The following NEK11 variants were observed in gnomAD, a reference collection of about 807,000 sequenced individuals.
The protein encoded by NEK11 is serine/threonine-protein kinase Nek11.
Under a neutral mutation model 80.7 loss-of-function variants are expected in NEK11, and 72 were observed. The observed-to-expected ratio is 0.89, with a 90% CI of 0.74 to 1.08. The LOEUF (loss-of-function observed/expected upper bound fraction) is 1.08, where lower values mean the gene tolerates loss of function less well. NEK11 is among the 50% of genes least tolerant of loss of function. The probability of loss-of-function intolerance (pLI) is 0.00; values close to 1 mark genes in which losing one functional copy is unlikely to be tolerated. For synonymous variants in NEK11, 251 were observed against 260.7 expected (o/e 0.96, Z 0.36); for missense variants, 764 against 763.6 (o/e 1.00, Z -0.01).
At chr3:131,252,725 T>C (rs72991528) in intron 16 of NEK11, among the ~76,000 whole-genome samples, 21,473 of 152,080 alleles carry the variant, frequency 0.14, 1,713 homozygotes, top group South Asian at 0.23. Flanking sequence ...ACAGGTTTGG[T>C]ATGTGTCCAA....
Position 131,026,892 on chromosome 3 carries a change from C to A in NEK11, c.-284C>A, listed in dbSNP as rs1430554047. 1 of 152,254 alleles carries A rather than the reference C, an allele frequency of 6.6e-6. No homozygotes were observed. The highest frequency in any genetic ancestry group is 2.4e-5 in the African/African-American group (1 of 41,448). The allele number at this position is 152,254 out of a possible 1,614,324, so 9.4% of individuals were successfully genotyped here. ...CTCCCTGGCCACGGTTCCAAACAGC[C>A]GTGGCCCGCGGTGTCTGGCGCTCGG... is the stretch of plus-strand genomic sequence containing the variant. On this transcript the variant is annotated 5_prime_UTR_variant, in exon 1 of 18. Transcript: ENST00000383366.
intron 14 of NEK11, among the ~76,000 whole-genome samples, chr3:131,223,338 T>A (rs2095088253): frequency 6.6e-6 from 1 of 152,158 alleles, no homozygotes; most frequent in African/African-American, 2.4e-5. Context: ...ACAGATTCAT[T>A]CCAGTTTGTT....
At position 131,168,914 on chromosome 3, in the gene NEK11, GA is replaced by G; in HGVS notation, c.1262del (p.Glu421GlyfsTer15). On this transcript the variant is annotated frameshift_variant, in exon 13 of 18. Transcript: ENST00000383366. LOFTEE classifies it high-confidence loss of function. ...TTGTTCACCCCAGGACGAGGATGAA[GA>G]GAGGTGGCAAGGCAGGGAAGAGGCA... ...LSCSPQDEDE[E>X]RWQGREEESD... The G allele has an allele frequency of 6.2e-7, 1 of 1,614,026 alleles. No homozygotes were observed. Among genetic ancestry groups the G allele is most frequent in the Non-Finnish European group, 8.5e-7 (1 of 1,179,960 alleles).
At chr3:131,179,048 C>T (rs2093203618) in intron 14 of NEK11, among the ~76,000 whole-genome samples, 1 of 152,186 alleles carries the variant, frequency 6.6e-6, no homozygotes. Context: ...CTCATGAGGA[C>T]TCCCTCCTTA....
intron 3 of NEK11, among the ~76,000 whole-genome samples, chr3:131,079,077 G>C (rs1023685026): frequency 6.6e-6 from 1 of 151,696 alleles, no homozygotes; most frequent in Non-Finnish European, 1.5e-5. Context: ...AAGTTTTTTG[G>C]TAATCATTTG....
chr3:131,050,403 C>T (rs1057175726), intron 3 of NEK11, among the ~76,000 whole-genome samples: 7 of 152,090 alleles, frequency 4.6e-5, no homozygotes, highest in South Asian at 2.1e-4. Flanking sequence ...TCGTGCTGCA[C>T]GGTTCATCTA....
intron 14 of NEK11, among the ~76,000 whole-genome samples, chr3:131,203,645 G>GTT (rs1384111671): frequency 1.0e-5 from 1 of 98,730 alleles, no homozygotes; most frequent in Non-Finnish European, 2.3e-5. Context: ...GTGATATTGT[G>GTT]ATACACACAC....
rs1053539765 is a variant in NEK11 at position 131,171,609 on chromosome 3, T to G, written c.1399+722T>G. Among the ~76,000 whole-genome samples, 15 of 152,338 alleles carry G rather than the reference T, an allele frequency of 9.8e-5. No homozygotes were observed. In the East Asian group the frequency reaches 2.9e-3, roughly 29 times the overall value. ...CTCTCTAGGTCTCAGTTTTCTTATCTATGAAATAAGAATAATAATGCCTTC... is the reference window on the plus strand; with the variant it reads ...CTCTCTAGGTCTCAGTTTTCTTATCGATGAAATAAGAATAATAATGCCTTC... On this transcript the variant is annotated intron_variant, in intron 14 of 17. Transcript: ENST00000383366.
intron 14 of NEK11, among the ~76,000 whole-genome samples, chr3:131,179,888 A>G (rs901010786): frequency 6.6e-6 from 1 of 152,184 alleles, no homozygotes; most frequent in Non-Finnish European, 1.5e-5. Context: ...AAAGTACAAT[A>G]TTATATTTCT....
intron 17 of NEK11, chr3:131,324,949 T>G (rs1455737118): frequency 6.6e-6 from 1 of 152,226 alleles, no homozygotes; most frequent in Non-Finnish European, 1.5e-5. Context: ...TGCTCCAATA[T>G]TATAAAATAT....
At chr3:131,341,686 A>G (rs2097289092) in intron 17 of NEK11, among the ~76,000 whole-genome samples, 1 of 152,182 alleles carries the variant, frequency 6.6e-6, no homozygotes, top group African/African-American at 2.4e-5. Context: ...TATTAGATGC[A>G]TGCTCATTTA....
At chr3:131,289,492 A>G (rs189948112) in intron 17 of NEK11, among the ~76,000 whole-genome samples, 1 of 152,330 alleles carries the variant, frequency 6.6e-6, no homozygotes, top group Admixed American at 6.5e-5. Context: ...AGGGATAGGT[A>G]TGAGTGTTTG....
intron 4 of NEK11, among the ~76,000 whole-genome samples, chr3:131,100,361 C>G (rs1244943337): frequency 6.6e-6 from 1 of 152,078 alleles, no homozygotes; most frequent in Non-Finnish European, 1.5e-5. Context: ...CTTTGGGAGG[C>G]TGAGGTGGGC....
intron 14 of NEK11, among the ~76,000 whole-genome samples, chr3:131,215,592 T>C (rs59432015): frequency 0.097 from 14,724 of 152,134 alleles, 1,190 homozygotes; most frequent in African/African-American, 0.21. Flanking sequence ...GAAAAGGGCA[T>C]CTTACAGATG....
At chr3:131,125,707 TG>T (rs1332969172) in intron 5 of NEK11, among the ~76,000 whole-genome samples, 1 of 152,210 alleles carries the variant, frequency 6.6e-6, no homozygotes, top group Non-Finnish European at 1.5e-5. Context: ...ACTCAATAAT[TG>T]TTTTTTGGAT....
chr3:131,269,023 G>A (rs1347787251), intron 16 of NEK11, among the ~76,000 whole-genome samples: 2 of 152,216 alleles, frequency 1.3e-5, no homozygotes, highest in African/African-American at 2.4e-5. Flanking sequence ...AAGCTGCGGT[G>A]GGCTCTGCCC....
intron 13 of NEK11, among the ~76,000 whole-genome samples, chr3:131,169,845 G>C (rs1361455634): frequency 6.6e-6 from 1 of 152,134 alleles, no homozygotes; most frequent in Non-Finnish European, 1.5e-5. Context: ...TTTCTGAAGT[G>C]CACGTAAAGA....
chr3:131,327,465 C>G (rs1380215066), intron 17 of NEK11: 1 of 152,216 alleles, frequency 6.6e-6, no homozygotes, highest in African/African-American at 2.4e-5. Flanking sequence ...GCTTGCACAG[C>G]CCTTCCACAT....
chr3:131,052,428 G>T (rs373539619), intron 3 of NEK11, among the ~76,000 whole-genome samples: 4 of 152,116 alleles, frequency 2.6e-5, no homozygotes, highest in African/African-American at 9.7e-5. Flanking sequence ...TTTCAGAAAT[G>T]TGCTGTTTTT....
Sources: gnomAD v4.1 joint callset for allele counts (sites outside exome capture counted in the v4.1 genomes callset) on GRCh38, gnomAD v4.1.1 for gene constraint, MANE v1.5 for transcripts, NCBI Gene and HGNC (gene_info 2026-07-23, HGNC 2026-07-21) for gene names.